Variants in LMLN observed in about 807,000 individuals in gnomAD.
The protein encoded by LMLN is leishmanolysin like peptidase.
In LMLN, 70 loss-of-function variants were observed where a neutral mutation model predicts 92.3. The observed-to-expected ratio is 0.76, with a 90% CI of 0.63 to 0.92. The LOEUF is 0.92. Ranked by LOEUF, LMLN falls within the 40% of genes least tolerant of loss-of-function variation. The pLI is 0.00. For missense variants in LMLN, 691 were observed against 814.6 expected, an observed-to-expected ratio of 0.85 and a Z score of 1.85; for synonymous variants, 308 against 296.2, an observed-to-expected ratio of 1.04 and a Z score of -0.41.
At chr3:198,006,629 G>A (rs114116028) in intron 11 of LMLN, among the ~76,000 whole-genome samples, 2,938 of 152,032 alleles carry the variant, frequency 0.019, 55 homozygotes, top group Non-Finnish European at 0.031. Context: ...GTTTTAATTT[G>A]TGTTTCCCTA....
At chr3:197,980,132 A>G (rs927045770) in intron 5 of LMLN, among the ~76,000 whole-genome samples, 194 bp from the exon 6 acceptor site, 1 of 152,214 alleles carries the variant, frequency 6.6e-6, no homozygotes, top group African/African-American at 2.4e-5. Context: ...TGTAAAGTGG[A>G]CATTTCATTA....
At chr3:197,987,311 C>G (rs1387840170) in intron 8 of LMLN, among the ~76,000 whole-genome samples, 3 of 151,800 alleles carry the variant, frequency 2.0e-5, no homozygotes, top group Non-Finnish European at 4.4e-5. Context: ...AGGCGCCTGC[C>G]AACACGCCCG....
exon 1 of LMLN, chr3:197,960,324 G>C (rs768572760): frequency 6.2e-7 from 1 of 1,613,918 alleles, no homozygotes; most frequent in Non-Finnish European, 8.5e-7. Flanking sequence ...GAGCGGGTCT[G>C]TGTGGGTCCG....
chr3:197,965,738 A>G (rs1721040161), intron 1 of LMLN, among the ~76,000 whole-genome samples: 1 of 152,080 alleles, frequency 6.6e-6, no homozygotes, highest in South Asian at 2.1e-4. Context: ...ACTTAGTGAA[A>G]CCCCGTGTCT....
intron 1 of LMLN, among the ~76,000 whole-genome samples, chr3:197,967,900 C>A (rs1721104269): frequency 6.6e-6 from 1 of 152,194 alleles, no homozygotes. Flanking sequence ...ACTTGCACAT[C>A]CATTTATAGA....
chr3:197,975,884 C>T, intron 3 of LMLN, 145 bp from the exon 4 acceptor site: 2 of 538,902 alleles, frequency 3.7e-6, no homozygotes, highest in South Asian at 5.4e-5. Flanking sequence ...TCTTCCTACC[C>T]CTTGCCATAC....
intron 10 of LMLN, among the ~76,000 whole-genome samples, chr3:197,997,348 G>A (rs1378281619): frequency 6.6e-6 from 1 of 152,072 alleles, no homozygotes; most frequent in African/African-American, 2.4e-5. Context: ...TGCCCAGGCT[G>A]ACCTCAAACT....
At chr3:198,041,185 G>A (rs1374025482) in exon 16 of LMLN, 5 of 148,486 alleles carry the variant, frequency 3.4e-5, no homozygotes, top group Non-Finnish European at 6.1e-5. Context: ...TAAATTTAAA[G>A]TATGTATTTG....
chr3:197,981,979 A>G (rs777610882), intron 6 of LMLN, among the ~76,000 whole-genome samples: 7 of 151,922 alleles, frequency 4.6e-5, no homozygotes, highest in Non-Finnish European at 1.0e-4. Flanking sequence ...TAATTTTTGT[A>G]TTTTTAATAG....
At chr3:197,995,876 T>C (rs1163768531) in intron 9 of LMLN, among the ~76,000 whole-genome samples, 3 of 152,222 alleles carry the variant, frequency 2.0e-5, no homozygotes, top group African/African-American at 7.2e-5. Context: ...TAAATTGTTA[T>C]TGACATGAGT....
chr3:198,014,942 C>G (rs1313860566), intron 11 of LMLN, among the ~76,000 whole-genome samples: 8 of 134,816 alleles, frequency 5.9e-5, no homozygotes, highest in South Asian at 2.5e-4. Context: ...TGACTTCTCT[C>G]CACCCTTCAG....
chr3:197,983,623 T>G (rs1338775684), intron 6 of LMLN, among the ~76,000 whole-genome samples: 19 of 152,194 alleles, frequency 1.2e-4, no homozygotes, highest in Admixed American at 1.2e-3. Context: ...AATGCTGAAG[T>G]TAAATATGGA....
At chr3:197,989,059 T>C (rs1458149927) in intron 8 of LMLN, among the ~76,000 whole-genome samples, 1 of 152,206 alleles carries the variant, frequency 6.6e-6, no homozygotes. Flanking sequence ...CTTGTAGATA[T>C]ATAGTTAGAG....
intron 8 of LMLN, among the ~76,000 whole-genome samples, chr3:197,988,773 C>T (rs1433806730): frequency 2.0e-5 from 3 of 152,084 alleles, no homozygotes; most frequent in African/African-American, 7.2e-5. Flanking sequence ...CCTCCATTTC[C>T]CAGGTTCAAG....
intron 14 of LMLN, among the ~76,000 whole-genome samples, chr3:198,028,065 T>C (rs1460475008): frequency 6.6e-6 from 1 of 152,178 alleles, no homozygotes; most frequent in Non-Finnish European, 1.5e-5. Flanking sequence ...AGAGTTCCCA[T>C]ATACCCCTGC....
At chr3:198,016,837 T>C (rs147056623) in intron 11 of LMLN, among the ~76,000 whole-genome samples, 1,837 of 152,296 alleles carry the variant, frequency 0.012, 15 homozygotes, top group Non-Finnish European at 0.017. Context: ...TTTTTTGAAG[T>C]CCAAATAGTA....
chr3:198,038,809 C>A, exon 16 of LMLN: 1 of 663,822 alleles, frequency 1.5e-6, no homozygotes, highest in Non-Finnish European at 2.7e-6. Flanking sequence ...GACCATCAGA[C>A]CTTGAAGCAG....
chr3:198,021,736 A>G (rs555545506), intron 13 of LMLN, 131 bp downstream of exon 14: 2 of 691,998 alleles, frequency 2.9e-6, no homozygotes, highest in East Asian at 2.9e-5. Context: ...GCTGCTATCC[A>G]TATGTAAGAA....
chr3:198,011,026 A>G (rs891817772), intron 11 of LMLN, among the ~76,000 whole-genome samples: 2 of 152,042 alleles, frequency 1.3e-5, no homozygotes, highest in Non-Finnish European at 2.9e-5. Context: ...GTTGAATTGT[A>G]TTTGGAGAAT....
Sources: gnomAD v4.1 joint callset for allele counts (sites outside exome capture counted in the v4.1 genomes callset) on GRCh38, gnomAD v4.1.1 for gene constraint, MANE v1.5 for transcripts, NCBI Gene and HGNC (gene_info 2026-07-23, HGNC 2026-07-21) for gene names.